Variants in SPAG16 observed in about 807,000 individuals in gnomAD.
SPAG16 encodes the protein sperm associated antigen 16.
A neutral mutation model predicts 80.4 loss-of-function variants in SPAG16; 86 were observed. The observed-to-expected ratio is 1.07, with a 90% CI of 0.90 to 1.28. The LOEUF (loss-of-function observed/expected upper bound fraction) is 1.28. SPAG16 is among the 50% of genes most tolerant of loss of function. SPAG16 has a pLI of 0.00. For missense variants in SPAG16, 870 were observed against 765.3 expected (o/e 1.14, Z -1.61); for synonymous variants, 294 against 265.9 (o/e 1.11, Z -1.03).
At chr2:213,331,854 A>G (rs1175451359) in intron 5 of SPAG16, among the ~76,000 whole-genome samples, 1 of 152,224 alleles carries the variant, frequency 6.6e-6, no homozygotes, top group Non-Finnish European at 1.5e-5. Flanking sequence ...AACACAACAT[A>G]CCATAATCTA....
chr2:214,352,910 T>G (rs1029870096), intron 15 of SPAG16, among the ~76,000 whole-genome samples: 1 of 152,120 alleles, frequency 6.6e-6, no homozygotes, highest in African/African-American at 2.4e-5. Flanking sequence ...ACCTTACACA[T>G]AGTTACTATA....
intron 13 of SPAG16, among the ~76,000 whole-genome samples, chr2:214,025,476 G>T (rs2048081941): frequency 6.6e-6 from 1 of 151,586 alleles, no homozygotes; most frequent in Non-Finnish European, 1.5e-5. Context: ...AACTTCAATA[G>T]TGATGGCTTG....
chr2:214,075,933 A>G (rs2051052389), intron 13 of SPAG16, among the ~76,000 whole-genome samples: 2 of 152,264 alleles, frequency 1.3e-5, no homozygotes, highest in Admixed American at 6.5e-5. Context: ...CCTTGATTAC[A>G]ACTAATTAGC....
chr2:213,658,213 C>T (rs2063290782), intron 10 of SPAG16, among the ~76,000 whole-genome samples: 2 of 148,274 alleles, frequency 1.3e-5, no homozygotes, highest in Admixed American at 1.3e-4. Flanking sequence ...CTTAAGCCCT[C>T]CTGTTCTTCT....
chr2:214,386,779 A>G (rs1446826588), intron 15 of SPAG16, among the ~76,000 whole-genome samples: 2 of 151,622 alleles, frequency 1.3e-5, no homozygotes, highest in Non-Finnish European at 2.9e-5. Context: ...TGGGAGGATC[A>G]CTTGAGCCCA....
intron 12 of SPAG16, among the ~76,000 whole-genome samples, chr2:213,987,063 A>G (rs1049321401): frequency 1.3e-5 from 2 of 152,116 alleles, no homozygotes; most frequent in Admixed American, 6.6e-5. Flanking sequence ...CAGTAGGGAA[A>G]ATAGAAGGAC....
At chr2:213,849,787 TTAATA>T (rs2074813014) in intron 10 of SPAG16, among the ~76,000 whole-genome samples, 1 of 152,312 alleles carries the variant, frequency 6.6e-6, no homozygotes, top group South Asian at 2.1e-4. Flanking sequence ...CTCTCTGTCA[TTAATA>T]TAATAAGGAG....
At chr2:213,440,080 A>G (rs1027309953) in intron 9 of SPAG16, among the ~76,000 whole-genome samples, 1 of 152,028 alleles carries the variant, frequency 6.6e-6, no homozygotes, top group Non-Finnish European at 1.5e-5. Context: ...CCATATATCT[A>G]TATAATCTGA....
At chr2:214,319,305 G>A (rs909384703) in intron 15 of SPAG16, among the ~76,000 whole-genome samples, 3 of 151,752 alleles carry the variant, frequency 2.0e-5, no homozygotes, top group Admixed American at 2.0e-4. Context: ...ATTATTTGTA[G>A]TCTATATAAT....
At chr2:213,414,526 T>C (rs1559109188) in intron 9 of SPAG16, among the ~76,000 whole-genome samples, 1 of 152,200 alleles carries the variant, frequency 6.6e-6, no homozygotes, top group Non-Finnish European at 1.5e-5. Flanking sequence ...GTTTTCAAAT[T>C]CTCATTTTCA....
At chr2:214,335,980 A>G (rs938154630) in intron 15 of SPAG16, among the ~76,000 whole-genome samples, 1 of 151,926 alleles carries the variant, frequency 6.6e-6, no homozygotes, top group Non-Finnish European at 1.5e-5. Context: ...GATGGTCTCG[A>G]TCTCTTGACC....
chr2:214,095,366 A>G (rs1382162117), intron 13 of SPAG16, among the ~76,000 whole-genome samples: 1 of 152,094 alleles, frequency 6.6e-6, no homozygotes, highest in African/African-American at 2.4e-5. Flanking sequence ...CTCCACATGG[A>G]AAAAGAGCTT....
intron 9 of SPAG16, among the ~76,000 whole-genome samples, chr2:213,482,705 G>A (rs187230268): frequency 1.3e-4 from 20 of 152,190 alleles, no homozygotes; most frequent in South Asian, 2.1e-4. Flanking sequence ...CACAGAGTCT[G>A]GTAATAGATG....
At chr2:213,704,226 A>T (rs2065637129) in intron 10 of SPAG16, among the ~76,000 whole-genome samples, 1 of 152,210 alleles carries the variant, frequency 6.6e-6, no homozygotes, top group Non-Finnish European at 1.5e-5. Context: ...GTTCTCCTTG[A>T]TAATTTTCTC....
chr2:213,830,986 G>C (rs897171248), intron 10 of SPAG16, among the ~76,000 whole-genome samples: 1 of 146,960 alleles, frequency 6.8e-6, no homozygotes, highest in Non-Finnish European at 1.5e-5. Flanking sequence ...AAATTCCTTA[G>C]TTGTTGCTTT....
intron 14 of SPAG16, among the ~76,000 whole-genome samples, chr2:214,125,996 T>C (rs898949899): frequency 2.4e-5 from 3 of 122,722 alleles, no homozygotes; most frequent in African/African-American, 9.1e-5. Context: ...TTTTCCTTCC[T>C]TCTTTCCTTC....
intron 9 of SPAG16, among the ~76,000 whole-genome samples, chr2:213,418,446 T>C (rs1224917472): frequency 6.6e-6 from 1 of 152,206 alleles, no homozygotes; most frequent in African/African-American, 2.4e-5. Flanking sequence ...TTATACCTTC[T>C]ATCATATTTT....
chr2:214,405,221 C>T (rs764627187), intron 15 of SPAG16, among the ~76,000 whole-genome samples: 22 of 151,924 alleles, frequency 1.4e-4, no homozygotes, highest in Non-Finnish European at 2.6e-4. Flanking sequence ...CTCCTGGACT[C>T]CAGCAATCCT....
At chr2:213,905,843 C>A (rs2077408072) in intron 11 of SPAG16, among the ~76,000 whole-genome samples, 1 of 152,138 alleles carries the variant, frequency 6.6e-6, no homozygotes, top group Admixed American at 6.5e-5. Context: ...AATGTCTTCA[C>A]TGAAGTCATG....
Sources: gnomAD v4.1 joint callset for allele counts (sites outside exome capture counted in the v4.1 genomes callset) on GRCh38, gnomAD v4.1.1 for gene constraint, MANE v1.5 for transcripts, NCBI Gene and HGNC (gene_info 2026-07-23, HGNC 2026-07-21) for gene names.